Variants in MAML3 observed in about 807,000 individuals in gnomAD.
The protein encoded by MAML3 is mastermind-like protein 3.
MAML3 carries 27 observed loss-of-function variants against 101.9 expected under a neutral mutation model. That is an observed-to-expected ratio of 0.27 (90% confidence interval 0.20 to 0.37). The LOEUF is 0.37. MAML3 is among the 10% of genes least tolerant of loss of function. The pLI is 1.00. For missense variants in MAML3, 1,316 were observed against 1,444.9 expected (o/e 0.91, Z 1.45); for synonymous variants, 501 against 555.9 (o/e 0.90, Z 1.39).
At chr4:139,889,171 CT>C in intron 2 of MAML3, 185 bp downstream of exon 2, 2 of 1,125,368 alleles carry the variant, frequency 1.8e-6, no homozygotes, top group Non-Finnish European at 2.7e-6. Context: ...TCATGCCACC[CT>C]TTTCCATTTC....
intron 1 of MAML3, among the ~76,000 whole-genome samples, chr4:140,125,901 C>T (rs1365737444): frequency 6.6e-6 from 1 of 152,114 alleles, no homozygotes. Context: ...GCCTCAACCT[C>T]CTGAGTAGCT....
intron 1 of MAML3, among the ~76,000 whole-genome samples, chr4:140,057,986 T>C (rs1302306702): frequency 6.6e-6 from 1 of 151,752 alleles, no homozygotes; most frequent in East Asian, 1.9e-4. Context: ...TCAACTCACT[T>C]CCAGGTTCAG....
At chr4:139,841,245 C>T (rs1731355430) in intron 2 of MAML3, among the ~76,000 whole-genome samples, 3 of 152,152 alleles carry the variant, frequency 2.0e-5, no homozygotes, top group Admixed American at 2.0e-4. Context: ...CATTTAACTC[C>T]CTCTCTGCAG....
At chr4:140,101,973 CAGA>C (rs3053693) in intron 1 of MAML3, among the ~76,000 whole-genome samples, 27,515 of 151,668 alleles carry the variant, frequency 0.18, 2,989 homozygotes, top group Middle Eastern at 0.35. Context: ...AAGTTAGAAC[CAGA>C]AGAAGTCATC....
At chr4:139,949,658 A>G (rs2110755455) in intron 1 of MAML3, among the ~76,000 whole-genome samples, 1 of 152,356 alleles carries the variant, frequency 6.6e-6, no homozygotes, top group South Asian at 2.1e-4. Context: ...AAGATATGAA[A>G]CCTAAAAATA....
intron 1 of MAML3, among the ~76,000 whole-genome samples, chr4:140,102,968 G>A (rs1471248272): frequency 2.0e-5 from 3 of 152,206 alleles, no homozygotes; most frequent in Non-Finnish European, 1.5e-5. Flanking sequence ...TAGCAAGGCA[G>A]AAAGTGCAGC....
At chr4:139,896,123 G>A (rs906551976) in intron 1 of MAML3, among the ~76,000 whole-genome samples, 2 of 152,162 alleles carry the variant, frequency 1.3e-5, no homozygotes, top group Non-Finnish European at 2.9e-5. Flanking sequence ...GGGAGACAGA[G>A]GGAGGCGGAG....
intron 2 of MAML3, chr4:139,740,748 G>A (rs1579381267): frequency 6.6e-6 from 1 of 152,418 alleles, no homozygotes; most frequent in South Asian, 2.1e-4. Context: ...ACCACTACAA[G>A]ACAGGAAGAA....
At chr4:139,921,792 G>A (rs891850125) in intron 1 of MAML3, among the ~76,000 whole-genome samples, 1 of 152,182 alleles carries the variant, frequency 6.6e-6, no homozygotes, top group African/African-American at 2.4e-5. Context: ...AAATGGGCTG[G>A]CACTGCCTTG....
intron 1 of MAML3, among the ~76,000 whole-genome samples, chr4:139,952,119 C>T (rs756430414): frequency 3.9e-5 from 6 of 152,104 alleles, no homozygotes; most frequent in Non-Finnish European, 7.4e-5. Context: ...GAGCCGAGAT[C>T]GTGCCATTGC....
intron 3 of MAML3, among the ~76,000 whole-genome samples, chr4:139,726,859 G>A (rs1355831590): frequency 1.3e-5 from 2 of 152,142 alleles, no homozygotes; most frequent in Non-Finnish European, 2.9e-5. Flanking sequence ...ATGTGCAAAG[G>A]GAAAGAAAAT....
At chr4:139,835,867 C>G (rs535720051) in intron 2 of MAML3, among the ~76,000 whole-genome samples, 1 of 152,168 alleles carries the variant, frequency 6.6e-6, no homozygotes, top group South Asian at 2.1e-4. Flanking sequence ...AATTTAAACG[C>G]AAAGATGATG....
chr4:139,821,251 A>G (rs569658871), intron 2 of MAML3, among the ~76,000 whole-genome samples: 1 of 152,316 alleles, frequency 6.6e-6, no homozygotes, highest in East Asian at 1.9e-4. Flanking sequence ...GACTGCTACC[A>G]GTCCGTGGCC....
chr4:139,756,757 C>T (rs3796631), intron 2 of MAML3, among the ~76,000 whole-genome samples: 118,013 of 152,082 alleles, frequency 0.78, 46,443 homozygotes, highest in South Asian at 0.86. Context: ...GAAAAGGTTG[C>T]TACTTTTGAA....
At chr4:139,738,474 C>T (rs1041637949) in intron 2 of MAML3, among the ~76,000 whole-genome samples, 1 of 152,056 alleles carries the variant, frequency 6.6e-6, no homozygotes, top group Admixed American at 6.5e-5. Context: ...ACCTGGGAGG[C>T]GGAGGTTGCA....
chr4:139,719,660 C>A lies in MAML3; in HGVS notation c.3080G>T (p.Gly1027Val). The change falls in exon 5 of 5, where the codon GGT (glycine) becomes GTT (valine). Residue 1027 changes from glycine to valine, a missense_variant. By Grantham distance (109) the Gly-to-Val change is moderately radical. Transcript: ENST00000509479. ...TVRTLNPAAM[G>V]RQMMPSLPGQ... ...CGGGAGCGATGGCATCATCTGCCGA[C>A]CCATGGCAGCTGGGTTGAGGGTCCT... 3 of 1,613,080 alleles carry A rather than the reference C, an allele frequency of 1.9e-6. No individual in the cohort carries two copies. The highest frequency in any genetic ancestry group is 1.1e-5 in the South Asian group (1 of 90,896).
At chr4:139,911,726 A>AT (rs1264821631) in intron 1 of MAML3, among the ~76,000 whole-genome samples, 1 of 152,096 alleles carries the variant, frequency 6.6e-6, no homozygotes, top group African/African-American at 2.4e-5. Context: ...GGCCCCAGAG[A>AT]TCCCCCTCAC....
intron 1 of MAML3, among the ~76,000 whole-genome samples, chr4:140,096,556 C>A (rs947781459): frequency 6.6e-6 from 1 of 152,046 alleles, no homozygotes; most frequent in African/African-American, 2.4e-5. Flanking sequence ...ATAATCTATG[C>A]GATCTCATTC....
intron 1 of MAML3, among the ~76,000 whole-genome samples, chr4:139,904,761 A>ACAGAGCG (rs1553963352): frequency 2.0e-5 from 3 of 151,646 alleles, no homozygotes; most frequent in Non-Finnish European, 4.4e-5. Context: ...TGTGAACATC[A>ACAGAGCG]TATTCACACA....
Sources: allele counts gnomAD v4.1 joint callset (sites outside exome capture counted in the v4.1 genomes callset), GRCh38; gene constraint gnomAD v4.1.1; transcripts MANE v1.5; gene names NCBI Gene and HGNC (gene_info 2026-07-23, HGNC 2026-07-21).